Variants in SNX29 observed in about 807,000 individuals in gnomAD.
The protein encoded by SNX29 is sorting nexin 29.
In SNX29, 78 loss-of-function variants were observed where a neutral mutation model predicts 102.1. The observed-to-expected ratio is 0.76, with a 90% CI of 0.64 to 0.92. The LOEUF is 0.92. SNX29 is among the 40% of genes least tolerant of loss of function. The pLI is 0.00. For synonymous variants in SNX29, 580 were observed against 414.5 expected (o/e 1.40, Z -4.85); for missense variants, 1,280 against 1,061.7 (o/e 1.21, Z -2.86).
chr16:12,412,971 G>A (rs753363837), intron 18 of SNX29, among the ~76,000 whole-genome samples: 10 of 152,120 alleles, frequency 6.6e-5, no homozygotes, highest in Non-Finnish European at 1.5e-4. Context: ...CTCCTTCTGC[G>A]CCCAGAAGTA....
At position 12,540,634 on chromosome 16, in the gene SNX29, C is replaced by T. The variant is rs188556481; in HGVS notation, c.2318+15793C>T. Among the ~76,000 whole-genome samples, 583 of 152,314 alleles carry T rather than the reference C, an allele frequency of 3.8e-3. 4 individuals carry two copies. The highest frequency in any genetic ancestry group is 0.013 in the African/African-American group (560 of 41,562). ...GGGGTGGACCTAAAGAGTCCAGGAT[C>T]ATCTCCCCATCTCAAAAGCCTGAAT... is the stretch of plus-strand genomic sequence containing the variant. On this transcript the variant is annotated intron_variant, in intron 20 of 20. Transcript: ENST00000566228.
chr16:12,165,608 T>C (rs892709369), intron 13 of SNX29, among the ~76,000 whole-genome samples: 49 of 152,240 alleles, frequency 3.2e-4, no homozygotes, highest in African/African-American at 1.0e-3. Context: ...TCACCCAGAC[T>C]GGAGTGCAGT....
At chr16:12,557,460 C>T (rs571604739) in intron 20 of SNX29, 1 of 152,170 alleles carries the variant, frequency 6.6e-6, no homozygotes, top group African/African-American at 2.4e-5. Context: ...CTCCTGGGTT[C>T]AAGCAATTCT....
chr16:12,123,101 C>T (rs1350353340), intron 11 of SNX29, among the ~76,000 whole-genome samples: 1 of 152,184 alleles, frequency 6.6e-6, no homozygotes, highest in East Asian at 1.9e-4. Context: ...GCTGGGATTA[C>T]AGGCATGAGC....
intron 18 of SNX29, among the ~76,000 whole-genome samples, chr16:12,412,938 C>A (rs2084464320): frequency 6.6e-6 from 1 of 152,242 alleles, no homozygotes; most frequent in Admixed American, 6.5e-5. Context: ...TCAGGGCTAC[C>A]TGGCTCTCTC....
At position 12,061,632 on chromosome 16, in the gene SNX29, C is replaced by G; in HGVS notation, c.1229C>G (p.Ser410Cys). Residue 410 changes from serine (S) to cysteine (C), a missense_variant, in exon 9 of 21, where the codon TCC becomes TGC. Physicochemically the swap from Ser to Cys is moderately radical, Grantham distance 112. Coordinates refer to ENST00000566228, the MANE Select transcript of SNX29 (RefSeq NM_032167.5). ...CTCTTCCCTGTCAGTGGCGTGGGCT[C>G]CTACAGCCCAGCAGGTGGGTGTCTC... ...DILFPVSGVG[S>C]YSPADAPLGS... 6.2e-7 allele frequency: 1 copy of G among 1,611,240 alleles called. No individual in the cohort carries two copies. Among genetic ancestry groups the G allele is most frequent in the South Asian group, 1.1e-5 (1 of 90,200 alleles).
intron 18 of SNX29, among the ~76,000 whole-genome samples, chr16:12,476,654 G>C (rs982961349): frequency 9.9e-5 from 15 of 151,428 alleles, no homozygotes; most frequent in African/African-American, 3.6e-4. Flanking sequence ...TAGGCATTCT[G>C]TTTCTCCATC....
chr16:12,372,972 C>A (rs1186657280), intron 16 of SNX29: 1 of 152,132 alleles, frequency 6.6e-6, no homozygotes, highest in African/African-American at 2.4e-5. Context: ...GTAGCAAGCA[C>A]TGATGTAGGT....
intron 20 of SNX29, among the ~76,000 whole-genome samples, chr16:12,536,285 C>G (rs1299887684): frequency 6.6e-6 from 1 of 152,030 alleles, no homozygotes; most frequent in African/African-American, 2.4e-5. Flanking sequence ...GGATGTTTTT[C>G]TCACTAGCTC....
intron 18 of SNX29, among the ~76,000 whole-genome samples, chr16:12,436,200 C>T (rs993482931): frequency 2.6e-5 from 4 of 151,988 alleles, no homozygotes; most frequent in East Asian, 3.9e-4. Flanking sequence ...CTGCAGCCCC[C>T]GGAACAGTAT....
chr16:12,558,681 G>A (rs375300880), intron 20 of SNX29, among the ~76,000 whole-genome samples: 6 of 152,182 alleles, frequency 3.9e-5, no homozygotes, highest in African/African-American at 1.4e-4. Context: ...CCTTGTGGCT[G>A]GGATTTGAAT....
intron 16 of SNX29, among the ~76,000 whole-genome samples, chr16:12,364,420 T>TC (rs2082400985): frequency 6.6e-6 from 1 of 151,366 alleles, no homozygotes; most frequent in Non-Finnish European, 1.5e-5. Flanking sequence ...CTTCTTCTTT[T>TC]TTTTTTTTTT....
intron 20 of SNX29, among the ~76,000 whole-genome samples, chr16:12,538,385 C>T (rs781174813): frequency 9.9e-5 from 15 of 152,142 alleles, no homozygotes; most frequent in East Asian, 1.9e-4. Flanking sequence ...CCACCGCGCC[C>T]GGCCTCCCCT....
Position 12,083,789 on chromosome 16 carries a change from A to G in SNX29, c.1402+4874A>G, listed in dbSNP as rs926804044. Among the ~76,000 whole-genome samples the G allele has an allele frequency of 2.6e-5, 4 of 152,222 alleles. No homozygotes were observed. In the South Asian group the frequency reaches 8.3e-4, roughly 31 times the overall value. ...CCAGAGGAGCTTGGCAAAGAAACTC[A>G]TCAGCTCTGCCCCACAAAGCAGCGA... On this transcript the variant is annotated intron_variant, in intron 11 of 20. Transcript: ENST00000566228.
chr16:12,411,590 G>A (rs185905936), intron 18 of SNX29, among the ~76,000 whole-genome samples: 36 of 152,146 alleles, frequency 2.4e-4, no homozygotes, highest in East Asian at 7.7e-4. Context: ...GCCTTTATTC[G>A]TCCCAAAGCT....
rs921538328 is a variant in SNX29 at position 11,976,766 on chromosome 16, G to T, written c.-41G>T. 7.7e-7 allele frequency: 1 copy of T among 1,297,774 alleles called. No individual in the cohort carries two copies. Among genetic ancestry groups the T allele is most frequent in the Admixed American group, 3.5e-5 (1 of 28,182 alleles). 80.4% of individuals were successfully genotyped at this position (1,297,774 alleles called of 1,614,324 possible). On this transcript the variant is annotated 5_prime_UTR_variant, in exon 1 of 21. Transcript: ENST00000566228. ...GCTCGGCAGCCGCAGAAGCGGCAGC[G>T]GCGGCGGCGCGGCGCAGGCACCGGC...
At chr16:12,076,490 C>T (rs899728899) in intron 10 of SNX29, among the ~76,000 whole-genome samples, 4 of 152,182 alleles carry the variant, frequency 2.6e-5, no homozygotes, top group East Asian at 3.9e-4. Flanking sequence ...TCAGTAGAGA[C>T]GGAGTTTCGC....
chr16:12,062,840 C>T (rs754711692), intron 9 of SNX29, among the ~76,000 whole-genome samples: 4 of 152,122 alleles, frequency 2.6e-5, no homozygotes, highest in East Asian at 1.9e-4. Context: ...AGAGGCAGGG[C>T]GGGGACAGTC....
intron 18 of SNX29, among the ~76,000 whole-genome samples, chr16:12,476,186 G>C (rs1309510318): frequency 1.3e-5 from 2 of 149,472 alleles, no homozygotes; most frequent in African/African-American, 4.9e-5. Flanking sequence ...GCCAGGTGTG[G>C]TGGTGGGCAT....
Sources: allele counts gnomAD v4.1 joint callset (sites outside exome capture counted in the v4.1 genomes callset), GRCh38; gene constraint gnomAD v4.1.1; transcripts MANE v1.5; gene names NCBI Gene and HGNC (gene_info 2026-07-23, HGNC 2026-07-21).